TOGARAM1: variants seen among roughly 807,000 people sequenced by gnomAD.
TOGARAM1 encodes TOG array regulator of axonemal microtubules protein 1.
Under a neutral mutation model 166.6 loss-of-function variants are expected in TOGARAM1, and 100 were observed. That is an observed-to-expected ratio of 0.60 (90% CI 0.51 to 0.71). The LOEUF is 0.71. Among genes scored for constraint, TOGARAM1 ranks in the 30% least tolerant of loss-of-function variants. TOGARAM1 has a pLI of 0.00. For synonymous variants in TOGARAM1, 758 were observed against 763.8 expected (o/e 0.99, Z 0.13); for missense variants, 2,029 against 2,102.7 (o/e 0.96, Z 0.69).
chr14:45,068,155 C>A (rs1386844899), intron 17 of TOGARAM1, among the ~76,000 whole-genome samples: 1 of 152,140 alleles, frequency 6.6e-6, no homozygotes. Flanking sequence ...AGTCATCTGC[C>A]TACTGAGCCA....
intron 16 of TOGARAM1, among the ~76,000 whole-genome samples, chr14:45,065,872 A>G (rs373261222): frequency 3.6e-4 from 55 of 152,328 alleles, no homozygotes; most frequent in African/African-American, 9.6e-4. Flanking sequence ...CGGGCAAGGA[A>G]GCTGTTCAGA....
At chr14:45,030,471 G>A (rs922597879) in intron 10 of TOGARAM1, among the ~76,000 whole-genome samples, 6 of 152,104 alleles carry the variant, frequency 3.9e-5, no homozygotes, top group African/African-American at 1.4e-4. Context: ...CACAATACTA[G>A]GGAAGATAAT....
intron 16 of TOGARAM1, 97 bp downstream of exon 16, chr14:45,054,646 A>C (rs1379626889): frequency 3.8e-6 from 3 of 796,734 alleles, no homozygotes; most frequent in Non-Finnish European, 6.1e-6. Context: ...GTATTTGCCA[A>C]AATTTAATGG....
intron 11 of TOGARAM1, among the ~76,000 whole-genome samples, chr14:45,038,799 G>A (rs968528459): frequency 8.5e-5 from 13 of 152,192 alleles, no homozygotes; most frequent in Admixed American, 5.2e-4. Context: ...TTTCAGTCCC[G>A]AATTCTTGTC....
Position 45,055,660 on chromosome 14 carries a change from C to T in TOGARAM1, c.4559+1111C>T, listed in dbSNP as rs567978568. ...TCTAGTAAAACTACAAAAAATTAGC[C>T]GGGCATGGTGGAGGGTGCCTGTAAT... On this transcript the variant is annotated intron_variant, in intron 16 of 19. Transcript: ENST00000361462. Among the ~76,000 whole-genome samples, 6 of 151,870 alleles carry T rather than the reference C, an allele frequency of 4.0e-5. No homozygotes were observed. In the East Asian group the frequency reaches 7.7e-4, roughly 20 times the overall value.
chr14:45,023,266 T>C (rs1262685078), intron 7 of TOGARAM1, among the ~76,000 whole-genome samples: 1 of 152,222 alleles, frequency 6.6e-6, no homozygotes, highest in East Asian at 1.9e-4. Flanking sequence ...AGTTATGTTC[T>C]ATATTTTCTT....
chr14:45,069,371 A>C (rs1478430118), intron 18 of TOGARAM1, among the ~76,000 whole-genome samples: 2 of 151,118 alleles, frequency 1.3e-5, no homozygotes, highest in Non-Finnish European at 3.0e-5. Context: ...TCTGTATCAA[A>C]AAATTTTAAA....
At chr14:44,991,294 A>G (rs1011617829) in intron 1 of TOGARAM1, among the ~76,000 whole-genome samples, 9 of 151,556 alleles carry the variant, frequency 5.9e-5, no homozygotes, top group African/African-American at 1.9e-4. Flanking sequence ...TATTTTAGCT[A>G]TGTAGCATAT....
At chr14:45,020,534 GGAAGAATGGGTACTC>G (rs1880437594) in intron 7 of TOGARAM1, among the ~76,000 whole-genome samples, 1 of 152,162 alleles carries the variant, frequency 6.6e-6, no homozygotes, top group South Asian at 2.1e-4. Context: ...GATAACAAAA[GGAAGAATGGGTACTC>G]TTTTGTTGCG....
intron 3 of TOGARAM1, 27 bp from the exon 4 acceptor site, chr14:45,004,034 A>G (rs775261602): frequency 6.4e-7 from 1 of 1,566,436 alleles, no homozygotes; most frequent in Non-Finnish European, 8.6e-7. Flanking sequence ...ATACATAAAT[A>G]ATATATTATC....
intron 16 of TOGARAM1, among the ~76,000 whole-genome samples, chr14:45,060,882 G>T (rs57077651): frequency 0.025 from 3,827 of 152,178 alleles, 184 homozygotes; most frequent in African/African-American, 0.087. Context: ...ATTAGCTTAT[G>T]GTGGTTTCTG....
rs1199409377 is a variant in TOGARAM1, at chr14:44,963,333, G to A, written c.912G>A (p.Arg304=). The change falls in exon 1 of 20, where the codon AGG becomes AGA. Residue 304 remains arginine, a synonymous_variant. Coordinates refer to ENST00000361462, the MANE Select transcript of TOGARAM1 (RefSeq NM_001308120.2). The part of the protein sequence containing the change: ...SYISRLPSAL[R]RHYNRRLESQ... ...TTTCTCGTCTGCCCTCTGCCCTGAG[G>A]AGACACTACAATCGCCGCCTGGAGT... 2 of 1,614,204 alleles carry A rather than the reference G, an allele frequency of 1.2e-6. No homozygotes were observed. Among genetic ancestry groups the A allele is most frequent in the Non-Finnish European group, 1.7e-6 (2 of 1,180,042 alleles).
intron 1 of TOGARAM1, 144 bp downstream of exon 1, chr14:44,964,611 C>G: frequency 4.2e-6 from 4 of 951,490 alleles, no homozygotes; most frequent in Non-Finnish European, 6.0e-6. Flanking sequence ...AATGTTGGTA[C>G]TCATTATAAT....
At chr14:45,032,186 G>A in intron 10 of TOGARAM1, 37 bp from the exon 11 acceptor site, 1 of 1,567,918 alleles carries the variant, frequency 6.4e-7, no homozygotes, top group Non-Finnish European at 8.6e-7. Flanking sequence ...TTTTTAAAAA[G>A]GTTCTCTCAT....
chr14:44,962,556 G>C lies in TOGARAM1; in HGVS notation c.135G>C (p.Glu45Asp). 1.9e-6 allele frequency: 3 copies of C among 1,614,004 alleles called. No homozygotes were observed. The highest frequency in any genetic ancestry group is 2.5e-6 in the Non-Finnish European group (3 of 1,179,968). Residue 45 changes from glutamate (E) to aspartate (D), a missense_variant, in exon 1 of 20, where the codon GAG becomes GAC. Physicochemically the swap from Glu to Asp is conservative, Grantham distance 45 (BLOSUM62 2). Coordinates refer to ENST00000361462, the MANE Select transcript of TOGARAM1 (RefSeq NM_001308120.2). ...GAGTTGGGGGCATTATGAGAGGAGAGAAAAACTACTACTTCCGTGGAGCTG... is the reference window on the plus strand; with the variant it reads ...GAGTTGGGGGCATTATGAGAGGAGACAAAAACTACTACTTCCGTGGAGCTG... ...DSRVGGIMRGEKNYYFRGAAG... is the reference protein window; with the variant it reads ...DSRVGGIMRGDKNYYFRGAAG...
intron 11 of TOGARAM1, among the ~76,000 whole-genome samples, chr14:45,038,048 T>A (rs1471060687): frequency 6.6e-6 from 1 of 151,996 alleles, no homozygotes; most frequent in African/African-American, 2.4e-5. Flanking sequence ...AAAGTAAAGA[T>A]GTAGAAGACT....
intron 1 of TOGARAM1, among the ~76,000 whole-genome samples, chr14:44,979,219 TC>T (rs1227218421): frequency 6.6e-6 from 1 of 152,146 alleles, no homozygotes; most frequent in Non-Finnish European, 1.5e-5. Context: ...CTATTCTTCT[TC>T]CTGCTGCTGT....
chr14:45,045,543 G>GTGTATA (rs1457434775), intron 13 of TOGARAM1, among the ~76,000 whole-genome samples: 16 of 38,914 alleles, frequency 4.1e-4, no homozygotes, highest in Non-Finnish European at 5.5e-4. Context: ...GTCTGTGTGT[G>GTGTATA]TATATATATA....
At chr14:45,053,941 A>G (rs779467573) in intron 15 of TOGARAM1, among the ~76,000 whole-genome samples, 1 of 152,034 alleles carries the variant, frequency 6.6e-6, no homozygotes, top group Non-Finnish European at 1.5e-5. Flanking sequence ...GTGCAGTGGC[A>G]TGATCTTAGC....
Sources: gnomAD v4.1 joint callset for allele counts (sites outside exome capture counted in the v4.1 genomes callset) on GRCh38, gnomAD v4.1.1 for gene constraint, MANE v1.5 for transcripts, NCBI Gene and HGNC (gene_info 2026-07-23, HGNC 2026-07-21) for gene names.